Variants in FBLN5 observed in about 807,000 individuals in gnomAD.
The protein encoded by FBLN5 is fibulin-5.
In FBLN5, 24 loss-of-function variants were observed where a neutral mutation model predicts 61.6. That is an observed-to-expected ratio of 0.39 (90% CI 0.28 to 0.55). The LOEUF is 0.55. FBLN5 is among the 20% of genes least tolerant of loss of function. The probability of loss-of-function intolerance (pLI) is 0.65; values close to 1 mark genes in which losing one functional copy is unlikely to be tolerated. For synonymous variants in FBLN5, 213 were observed against 219.8 expected, an observed-to-expected ratio of 0.97 and a Z score of 0.27; for missense variants, 470 against 594.1, an observed-to-expected ratio of 0.79 and a Z score of 2.17.
chr14:91,894,928 G>A (rs780791361), intron 5 of FBLN5, 22 bp downstream of exon 5: 1 of 1,603,466 alleles, frequency 6.2e-7, no homozygotes, highest in South Asian at 1.1e-5. Flanking sequence ...GAGTCCCTGT[G>A]ACCCCCCCAG....
Position 91,933,173 on chromosome 14 carries a change from G to C in FBLN5, c.379+3774C>G, listed in dbSNP as rs529085912. The stretch of plus-strand genomic sequence containing the variant: ...TTGCAAGGCATTTATGAGACAATCA[G>C]AGAGATTTGAACACTACCTGGATAT... On this transcript the variant is annotated intron_variant, in intron 4 of 10. Coordinates refer to ENST00000342058, the MANE Select transcript of FBLN5 (RefSeq NM_006329.4). Among the ~76,000 whole-genome samples, 12 of 152,330 alleles carry C rather than the reference G, an allele frequency of 7.9e-5. No homozygotes were observed. The South Asian group carries it at 2.5e-3, about 32-fold the overall frequency.
intron 4 of FBLN5, among the ~76,000 whole-genome samples, chr14:91,928,952 G>A (rs1426107331): frequency 2.6e-5 from 4 of 151,932 alleles, no homozygotes; most frequent in Non-Finnish European, 5.9e-5. Context: ...CAGCTACTCG[G>A]GAGGCTGAGG....
At chr14:91,905,741 A>C (rs1890658220) in intron 4 of FBLN5, among the ~76,000 whole-genome samples, 1 of 151,850 alleles carries the variant, frequency 6.6e-6, no homozygotes, top group South Asian at 2.1e-4. Context: ...CGCCATGCCC[A>C]GCTAATTTTT....
At chr14:91,916,370 G>T (rs114910969) in intron 4 of FBLN5, among the ~76,000 whole-genome samples, 1 of 152,118 alleles carries the variant, frequency 6.6e-6, no homozygotes, top group Admixed American at 6.5e-5. Flanking sequence ...TCGCTTGAAC[G>T]TGGGAGGCGG....
rs185080626 is a variant in FBLN5, at chr14:91,943,581, C to T, written c.18-620G>A. On this transcript the variant is annotated intron_variant, in intron 1 of 10. Transcript: ENST00000342058. This position sits in a 1 kb window ranked among gnomAD's most constrained non-coding sequence, Gnocchi z 4.0. ...AGTTCCTTGGTCTTTATTCTTTATG[C>T]GAGATGTGCTTGACTTTTGAACATC... Among the ~76,000 whole-genome samples the T allele has an allele frequency of 5.3e-5, 8 of 152,014 alleles. No individual in the cohort carries two copies. The highest frequency in any genetic ancestry group is 1.3e-4 in the Admixed American group (2 of 15,266).
chr14:91,870,418 A>G (rs1175099608), intron 10 of FBLN5, 33 bp from the exon 11 acceptor site: 10 of 1,611,982 alleles, frequency 6.2e-6, no homozygotes, highest in Non-Finnish European at 8.5e-6. Flanking sequence ...CCAGTGAGAA[A>G]AGGCCTGCAT....
At chr14:91,894,845 G>GA in intron 5 of FBLN5, 105 bp downstream of exon 5, 2 of 207,316 alleles carry the variant, frequency 9.6e-6, no homozygotes, top group Admixed American at 5.9e-5. Context: ...CCCTAGCAAA[G>GA]AAAAGCTTAC....
chr14:91,925,880 G>T (rs1020956335), intron 4 of FBLN5, among the ~76,000 whole-genome samples: 1 of 152,224 alleles, frequency 6.6e-6, no homozygotes, highest in Admixed American at 6.5e-5. Context: ...AAGGAACAAG[G>T]AGACTCTTGG....
intron 2 of FBLN5, among the ~76,000 whole-genome samples, chr14:91,941,192 T>A (rs557833938): frequency 1.8e-4 from 27 of 152,214 alleles, no homozygotes; most frequent in Admixed American, 3.3e-4. Flanking sequence ...CCCCATGAAA[T>A]CCTCTACCTG....
chr14:91,891,516 C>CTCAA (rs964545219), intron 5 of FBLN5, among the ~76,000 whole-genome samples, 179 bp from the exon 6 acceptor site: 3 of 152,144 alleles, frequency 2.0e-5, no homozygotes, highest in African/African-American at 4.8e-5. Flanking sequence ...GAATACAAGG[C>CTCAA]TCAATCTCCC....
At chr14:91,933,313 C>T (rs551430825) in intron 4 of FBLN5, among the ~76,000 whole-genome samples, 6 of 152,146 alleles carry the variant, frequency 3.9e-5, no homozygotes, top group Non-Finnish European at 7.4e-5. Context: ...CTTGCTCTGT[C>T]GCCCAGGCTG....
intron 8 of FBLN5, among the ~76,000 whole-genome samples, chr14:91,881,642 T>C (rs905116137): frequency 3.3e-5 from 5 of 152,190 alleles, no homozygotes; most frequent in East Asian, 1.9e-4. Flanking sequence ...CAAGAAATAA[T>C]GTGAGCCAGG....
chr14:91,879,193 G>C (rs1889304828), intron 9 of FBLN5, among the ~76,000 whole-genome samples: 1 of 152,204 alleles, frequency 6.6e-6, no homozygotes, highest in Non-Finnish European at 1.5e-5. Context: ...TTTGGAGGAG[G>C]GAGTGATGGC....
chr14:91,894,402 C>CAAAAAAAAAAAAAAAA (rs58035118), intron 5 of FBLN5, among the ~76,000 whole-genome samples: 1 of 34,404 alleles, frequency 2.9e-5, no homozygotes, highest in African/African-American at 1.2e-4. Context: ...GACACCATAT[C>CAAAAAAAAAAAAAAAA]AAAAAAAAAA....
At position 91,943,046 on chromosome 14, in the gene FBLN5, A is replaced by T. The variant is rs923895835; in HGVS notation, c.18-85T>A. 3 of 883,116 alleles carry T rather than the reference A, an allele frequency of 3.4e-6. No individual in the cohort carries two copies. The highest frequency in any genetic ancestry group is 3.7e-6 in the Non-Finnish European group (2 of 537,060). 54.7% of individuals were successfully genotyped at this position (883,116 alleles called of 1,614,324 possible). ...GGGTCGCATGCGGCCCGTGACGTGT[A>T]ACGGTGATATCACCTTGGGCTTGTA... On this transcript the variant is annotated intron_variant, in intron 1 of 10. Transcript: ENST00000342058. The surrounding 1 kb of genome is among the most constrained non-coding windows in gnomAD (Gnocchi z 4.0).
intron 10 of FBLN5, among the ~76,000 whole-genome samples, chr14:91,876,390 C>T (rs1163655369): frequency 1.3e-5 from 2 of 152,170 alleles, no homozygotes; most frequent in Admixed American, 6.5e-5. Flanking sequence ...AATGCAGATT[C>T]CTGGGTGCAG....
intron 4 of FBLN5, among the ~76,000 whole-genome samples, chr14:91,916,411 C>T (rs1891200222): frequency 6.6e-6 from 1 of 152,226 alleles, no homozygotes; most frequent in Non-Finnish European, 1.5e-5. Flanking sequence ...CGCACCACTG[C>T]ACTCCTGCCT....
chr14:91,911,042 G>A (rs982218921), intron 4 of FBLN5, among the ~76,000 whole-genome samples: 7 of 151,622 alleles, frequency 4.6e-5, no homozygotes, highest in East Asian at 1.9e-4. Flanking sequence ...GGAGTGCAGC[G>A]GCACGATCTC....
At chr14:91,922,072 C>T (rs1221871292) in intron 4 of FBLN5, among the ~76,000 whole-genome samples, 4 of 151,982 alleles carry the variant, frequency 2.6e-5, no homozygotes, top group African/African-American at 4.8e-5. Context: ...CCAAGGCGGG[C>T]GGATCACCTG....
Sources: allele counts gnomAD v4.1 joint callset (sites outside exome capture counted in the v4.1 genomes callset), GRCh38; gene constraint gnomAD v4.1.1; non-coding constraint Gnocchi (gnomAD v3.1); transcripts MANE v1.5; gene names NCBI Gene and HGNC (gene_info 2026-07-23, HGNC 2026-07-21).